The following ANKRD28 variants were observed in gnomAD, a reference collection of about 807,000 sequenced individuals.
ANKRD28 encodes serine/threonine-protein phosphatase 6 regulatory ankyrin repeat subunit A.
Under a neutral mutation model 126.5 loss-of-function variants are expected in ANKRD28, and 44 were observed. The observed-to-expected ratio is 0.35, with a 90% CI of 0.27 to 0.45. ANKRD28 has a LOEUF of 0.45. Ranked by LOEUF, ANKRD28 falls within the 20% of genes least tolerant of loss-of-function variation. The pLI, the probability that ANKRD28 is intolerant of heterozygous loss-of-function variation, is 1.00. For missense variants in ANKRD28, 1,110 were observed against 1,316.6 expected, an observed-to-expected ratio of 0.84 and a Z score of 2.43; for synonymous variants, 442 against 468.5, an observed-to-expected ratio of 0.94 and a Z score of 0.73.
At chr3:15,695,127 A>C in intron 16 of ANKRD28, 61 bp downstream of exon 16, 1 of 1,328,096 alleles carries the variant, frequency 7.5e-7, no homozygotes, top group Non-Finnish European at 1.1e-6. Flanking sequence ...ACAGATAAAC[A>C]TAACTGGTAG....
intron 14 of ANKRD28, among the ~76,000 whole-genome samples, chr3:15,698,796 G>A (rs751796373): frequency 6.6e-6 from 1 of 152,142 alleles, no homozygotes; most frequent in Non-Finnish European, 1.5e-5. Flanking sequence ...AATCAATATT[G>A]TGAAAATGGC....
chr3:15,816,548 A>G lies in ANKRD28; in HGVS notation c.28-21242T>C, dbSNP rs1559568922. The stretch of plus-strand genomic sequence containing the variant: ...GTAAGAAAGTTTTATTTTTCCTGCT[A>G]TGACTATGACTGCTTTAAAGTCTTT... On this transcript the variant is annotated intron_variant, in intron 1 of 27. Transcript: ENST00000399451. This position sits in a 1 kb window ranked among gnomAD's most constrained non-coding sequence, Gnocchi z 5.0. 6.6e-6 allele frequency among the ~76,000 whole-genome samples: 1 copy of G among 152,236 alleles called. No homozygotes were observed. Among genetic ancestry groups the G allele is most frequent in the Non-Finnish European group, 1.5e-5 (1 of 68,040 alleles).
intron 1 of ANKRD28, among the ~76,000 whole-genome samples, chr3:15,803,248 G>A (rs1034255939): frequency 6.6e-6 from 1 of 152,230 alleles, no homozygotes; most frequent in Middle Eastern, 3.2e-3. Context: ...CAAAGGACTA[G>A]TTAGGAGACC....
chr3:15,762,650 G>A lies in ANKRD28; in HGVS notation c.280+3584C>T, dbSNP rs191873970. The stretch of plus-strand genomic sequence containing the variant: ...ATAACTGGACTTCAAAACTGACAGC[G>A]GAGAATTTTTAAGAAAGCATATCTA... On this transcript the variant is annotated intron_variant, in intron 3 of 27. Transcript: ENST00000683139. Among the ~76,000 whole-genome samples the A allele has an allele frequency of 1.2e-3, 189 of 151,788 alleles. 1 individual carries two copies. Among genetic ancestry groups the A allele is most frequent in the African/African-American group, 4.4e-3 (180 of 41,376 alleles).
In ANKRD28 at chr3:15,709,701, C is replaced by G; in HGVS notation, c.1373G>C (p.Gly458Ala). The G allele has an allele frequency of 6.3e-7, 1 of 1,584,310 alleles. No individual in the cohort carries two copies. The highest frequency in any genetic ancestry group is 8.6e-7 in the Non-Finnish European group (1 of 1,163,376). ...TTTGTCCTTTTTATTAAAGTCTGCA[C>G]CAGTATTCAGCAGAAGGTTTAGGCA... ...LECLNLLLNT[G>A]ADFNKKDKFG... Residue 458 changes from glycine (G) to alanine (A), a missense_variant, in exon 13 of 28, where the codon GGT becomes GCT. Gly to Ala is a moderately conservative substitution (Grantham distance 60). Coordinates refer to ENST00000683139, the MANE Select transcript of ANKRD28 (RefSeq NM_001349278.2).
rs1282940326 is a variant in ANKRD28, at chr3:15,859,407, G to A, written c.-4C>T. The A allele has an allele frequency of 3.3e-6, 5 of 1,526,298 alleles. No individual in the cohort carries two copies. In the South Asian group the frequency reaches 3.6e-5, roughly 11 times the overall value. 94.5% of individuals were successfully genotyped at this position (1,526,298 alleles called of 1,614,324 possible). ...CACGGAGTTTGAGGAACGCCATGGC[G>A]GTCGCCTCCGCGCCCACTCCAGCCT... On this transcript the variant is annotated 5_prime_UTR_variant, in exon 1 of 28. Coordinates refer to the ANKRD28 transcript ENST00000399451.
chr3:15,763,446 A>G (rs897835542), intron 3 of ANKRD28, among the ~76,000 whole-genome samples: 1 of 152,256 alleles, frequency 6.6e-6, no homozygotes, highest in African/African-American at 2.4e-5. Context: ...AAAGTAGACT[A>G]ACTGCCTGCC....
chr3:15,767,242 CAGGG>C (rs2058782053), intron 2 of ANKRD28, among the ~76,000 whole-genome samples: 1 of 152,124 alleles, frequency 6.6e-6, no homozygotes, highest in Admixed American at 6.5e-5. Context: ...ATGTCACATT[CAGGG>C]ATTTTTAATT....
At chr3:15,708,210 C>T (rs2071731078) in intron 13 of ANKRD28, 146 bp from the exon 14 acceptor site, 3 of 904,902 alleles carry the variant, frequency 3.3e-6, no homozygotes, top group South Asian at 3.8e-5. Flanking sequence ...TTGCGGAGGA[C>T]TGGACATAAA....
At chr3:15,859,259 C>T in intron 1 of ANKRD28, 1 of 1,423,470 alleles carries the variant, frequency 7.0e-7, no homozygotes, top group Non-Finnish European at 9.3e-7. Flanking sequence ...GGGGCAGGAC[C>T]CCCGTTTCCC....
At position 15,855,182 on chromosome 3, in the gene ANKRD28, C is replaced by T. The variant is rs137868803; in HGVS notation, c.27+4195G>A. On this transcript the variant is annotated intron_variant, in intron 1 of 27. Transcript: ENST00000399451. ...CCCTATTGTAAGATTTCCCAAGAAC[C>T]GTCATTTTTTGTGTGTGTTTTTTCC... 3.6e-3 allele frequency among the ~76,000 whole-genome samples: 544 copies of T among 152,248 alleles called. 5 individuals carry two copies. The highest frequency in any genetic ancestry group is 0.012 in the African/African-American group (515 of 41,546).
At chr3:15,743,590 A>ACG (rs2057273642) in intron 4 of ANKRD28, among the ~76,000 whole-genome samples, 1 of 146,200 alleles carries the variant, frequency 6.8e-6, no homozygotes, top group Non-Finnish European at 1.5e-5. Context: ...ACACACACAC[A>ACG]CACGCACACC....
chr3:15,766,645 C>G (rs1432290833), intron 2 of ANKRD28, among the ~76,000 whole-genome samples: 2 of 151,904 alleles, frequency 1.3e-5, no homozygotes, highest in African/African-American at 4.8e-5. Context: ...GTACTCCACC[C>G]TGGGTAACAG....
At chr3:15,687,088 G>A (rs1438139469) in intron 18 of ANKRD28, among the ~76,000 whole-genome samples, 3 of 151,698 alleles carry the variant, frequency 2.0e-5, no homozygotes, top group Non-Finnish European at 4.4e-5. Flanking sequence ...GATTACAGGC[G>A]CCTGCCACCA....
At chr3:15,767,044 T>G (rs1193583666) in intron 2 of ANKRD28, among the ~76,000 whole-genome samples, 1 of 152,188 alleles carries the variant, frequency 6.6e-6, no homozygotes, top group Non-Finnish European at 1.5e-5. Flanking sequence ...CAATTTTAAG[T>G]TTTTTCTTAA....
chr3:15,841,022 T>C (rs1358632604), intron 1 of ANKRD28, among the ~76,000 whole-genome samples: 1 of 152,094 alleles, frequency 6.6e-6, no homozygotes, highest in African/African-American at 2.4e-5. Flanking sequence ...ACGCCTGTAA[T>C]CCCAGCTACT....
chr3:15,697,879 G>C (rs1263624475), intron 14 of ANKRD28, among the ~76,000 whole-genome samples: 2 of 152,094 alleles, frequency 1.3e-5, no homozygotes, highest in African/African-American at 4.8e-5. Context: ...TATTTGTTTG[G>C]TAGGCTATTA....
chr3:15,701,193 C>A (rs2070550697), intron 14 of ANKRD28, among the ~76,000 whole-genome samples: 1 of 152,174 alleles, frequency 6.6e-6, no homozygotes, highest in African/African-American at 2.4e-5. Flanking sequence ...ACACTTATTT[C>A]TTTAAATGCT....
intron 3 of ANKRD28, among the ~76,000 whole-genome samples, chr3:15,752,367 T>C (rs1468306519): frequency 6.6e-6 from 1 of 152,210 alleles, no homozygotes; most frequent in East Asian, 1.9e-4. Context: ...CATGTCTTTC[T>C]AGGTTATACC....
Sources: allele counts gnomAD v4.1 joint callset (sites outside exome capture counted in the v4.1 genomes callset), GRCh38; gene constraint gnomAD v4.1.1; non-coding constraint Gnocchi (gnomAD v3.1); transcripts MANE v1.5; gene names NCBI Gene and HGNC (gene_info 2026-07-23, HGNC 2026-07-21).